PPARGC1B: variants seen among roughly 807,000 people sequenced by gnomAD.
PPARGC1B encodes the protein PPARG coactivator 1 beta, also known as peroxisome proliferator-activated receptor gamma coactivator 1-beta.
PPARGC1B carries 34 observed loss-of-function variants against 101.6 expected under a neutral mutation model. That is an observed-to-expected ratio of 0.33 (90% CI 0.25 to 0.45). The LOEUF (loss-of-function observed/expected upper bound fraction) is 0.45. PPARGC1B is among the 20% of genes least tolerant of loss of function. The pLI is 1.00. For synonymous variants in PPARGC1B, 548 were observed against 539.3 expected (o/e 1.02, Z -0.22); for missense variants, 1,234 against 1,317.6 (o/e 0.94, Z 0.98).
At chr5:149,846,885 G>C (rs1759584271) in intron 11 of PPARGC1B, 1 of 160,982 alleles carries the variant, frequency 6.2e-6, no homozygotes, top group South Asian at 1.7e-4. Flanking sequence ...AAGAGATCGA[G>C]ACCATCGTGG....
intron 2 of PPARGC1B, 32 bp downstream of exon 2, chr5:149,820,638 C>A: frequency 6.3e-7 from 1 of 1,580,262 alleles, no homozygotes; most frequent in East Asian, 2.3e-5. Flanking sequence ...CTCCTCCCAC[C>A]CTGCCAGGCC....
chr5:149,843,990 A>G (rs1212535368), intron 10 of PPARGC1B, among the ~76,000 whole-genome samples: 2 of 152,166 alleles, frequency 1.3e-5, no homozygotes, highest in African/African-American at 4.8e-5. Flanking sequence ...GGCTGCAGAG[A>G]GGAGGAATAA....
intron 1 of PPARGC1B, among the ~76,000 whole-genome samples, chr5:149,749,048 A>G (rs1755192902): frequency 6.6e-6 from 1 of 151,994 alleles, no homozygotes; most frequent in Admixed American, 6.6e-5. Context: ...GATTTGTGTT[A>G]AGGATTGACA....
chr5:149,786,741 A>G (rs1756826119), intron 1 of PPARGC1B, among the ~76,000 whole-genome samples: 1 of 152,242 alleles, frequency 6.6e-6, no homozygotes, highest in Non-Finnish European at 1.5e-5. Flanking sequence ...GACAGACTTC[A>G]GAGGGTTCGA....
rs1435902500 is a variant in PPARGC1B at position 149,848,042 on chromosome 5, G to A, written c.*484G>A. 6.0e-6 allele frequency: 1 copy of A among 166,182 alleles called. No homozygotes were observed. The highest frequency in any genetic ancestry group is 1.3e-5 in the Non-Finnish European group (1 of 75,814). 10.3% of individuals were successfully genotyped at this position (166,182 alleles called of 1,614,324 possible). On this transcript the variant is annotated 3_prime_UTR_variant, in exon 12 of 12. Coordinates refer to ENST00000309241, the MANE Select transcript of PPARGC1B (RefSeq NM_133263.4). ...TTTATGGCTCAGATGTACTGTGCCT[G>A]GGATTATTGTATTGCTTCCTTGATT...
intron 1 of PPARGC1B, chr5:149,771,945 C>A: frequency 8.1e-7 from 1 of 1,234,762 alleles, no homozygotes; most frequent in Non-Finnish European, 1.1e-6. Context: ...GCTTTACATT[C>A]TCATTTTAAT....
chr5:149,768,543 A>C (rs893524241), intron 1 of PPARGC1B, among the ~76,000 whole-genome samples: 1 of 149,436 alleles, frequency 6.7e-6, no homozygotes, highest in African/African-American at 2.5e-5. Context: ...TCTCAGGTTC[A>C]AGCGATTCTG....
intron 1 of PPARGC1B, among the ~76,000 whole-genome samples, chr5:149,759,383 A>C (rs1755641334): frequency 6.6e-6 from 1 of 152,122 alleles, no homozygotes; most frequent in Non-Finnish European, 1.5e-5. Context: ...TACAGGAGGA[A>C]AATAACTGCA....
intron 1 of PPARGC1B, among the ~76,000 whole-genome samples, chr5:149,734,584 T>C (rs1204272084): frequency 6.6e-6 from 1 of 152,178 alleles, no homozygotes; most frequent in Non-Finnish European, 1.5e-5. Flanking sequence ...TTGTAAGCAA[T>C]GCTAAAACGA....
At chr5:149,746,811 G>C (rs180925395) in intron 1 of PPARGC1B, among the ~76,000 whole-genome samples, 1 of 152,154 alleles carries the variant, frequency 6.6e-6, no homozygotes, top group Non-Finnish European at 1.5e-5. Flanking sequence ...ATGGATGTGA[G>C]GTGGTTATCT....
chr5:149,747,645 ACCTGCCCAGCAGCG>A (rs1412882099), intron 1 of PPARGC1B, among the ~76,000 whole-genome samples: 6 of 152,272 alleles, frequency 3.9e-5, no homozygotes, highest in Non-Finnish European at 7.4e-5. Flanking sequence ...GACACCAGGT[ACCTGCCCAGCAGCG>A]CCTGGGGCCT....
chr5:149,734,264 G>A (rs1274814209), intron 1 of PPARGC1B, among the ~76,000 whole-genome samples: 3 of 141,742 alleles, frequency 2.1e-5, no homozygotes, highest in South Asian at 4.5e-4. Flanking sequence ...GGAGGTTGCA[G>A]TGAGCCGAGA....
rs1388845406 is a variant in PPARGC1B at position 149,837,296 on chromosome 5, G to C, written c.2618+223G>C. Among the ~76,000 whole-genome samples, 1 of 152,190 alleles carries C rather than the reference G, an allele frequency of 6.6e-6. No individual in the cohort carries two copies. Among genetic ancestry groups the C allele is most frequent in the Non-Finnish European group, 1.5e-5 (1 of 68,034 alleles). On this transcript the variant is annotated intron_variant, in intron 8 of 11. Coordinates refer to ENST00000309241, the MANE Select transcript of PPARGC1B (RefSeq NM_133263.4). The surrounding 1 kb of genome is among the most constrained non-coding windows in gnomAD (Gnocchi z 4.2). The stretch of plus-strand genomic sequence containing the variant: ...CACAGCCTGGTCTGTGAAATCGAGA[G>C]TGTCCCAAACATCCTGGCCTCCAGA...
chr5:149,806,345 C>T (rs1226682128), intron 1 of PPARGC1B, among the ~76,000 whole-genome samples: 4 of 152,220 alleles, frequency 2.6e-5, no homozygotes, highest in Admixed American at 2.0e-4. Flanking sequence ...TTGAGCATGA[C>T]ATTTCCTTAA....
At chr5:149,771,188 G>T (rs1487871980) in intron 1 of PPARGC1B, among the ~76,000 whole-genome samples, 5 of 152,204 alleles carry the variant, frequency 3.3e-5, no homozygotes, top group African/African-American at 1.2e-4. Flanking sequence ...ATTTCTAAGT[G>T]CCGGCCACCA....
chr5:149,826,644 T>TA, intron 2 of PPARGC1B, 29 bp from the exon 3 acceptor site: 1 of 1,578,288 alleles, frequency 6.3e-7, no homozygotes, highest in Non-Finnish European at 8.7e-7. Context: ...CCATCTGCCT[T>TA]TCTGACCCTC....
At chr5:149,763,392 G>A (rs1404030031) in intron 1 of PPARGC1B, among the ~76,000 whole-genome samples, 1 of 152,160 alleles carries the variant, frequency 6.6e-6, no homozygotes, top group Non-Finnish European at 1.5e-5. Flanking sequence ...GAGTTCAGGG[G>A]CAGGGGGAGG....
chr5:149,837,103 C>T lies in PPARGC1B; in HGVS notation c.2618+30C>T, dbSNP rs45458800. 1,928 of 1,562,308 alleles carry T rather than the reference C, an allele frequency of 1.2e-3. 25 individuals are homozygous for T. In the African/African-American group the frequency reaches 0.023, roughly 19 times the overall value. ...GAACAGGGGGCTGCAGGAGAGGCAGCGGGCAGTGGAGGATCCCAGTTCCCG... is the reference window on the plus strand; with the variant it reads ...GAACAGGGGGCTGCAGGAGAGGCAGTGGGCAGTGGAGGATCCCAGTTCCCG... On this transcript the variant is annotated intron_variant, in intron 8 of 11. Coordinates refer to ENST00000309241, the MANE Select transcript of PPARGC1B (RefSeq NM_133263.4). This position sits in a 1 kb window ranked among gnomAD's most constrained non-coding sequence, Gnocchi z 4.2.
chr5:149,828,300 T>C (rs912030336), intron 3 of PPARGC1B, among the ~76,000 whole-genome samples: 2 of 152,178 alleles, frequency 1.3e-5, no homozygotes, highest in Non-Finnish European at 2.9e-5. Flanking sequence ...GCACCTAGGT[T>C]TGAATCCCAG....
Sources: gnomAD v4.1 joint callset for allele counts (sites outside exome capture counted in the v4.1 genomes callset) on GRCh38, gnomAD v4.1.1 for gene constraint, Gnocchi (gnomAD v3.1) non-coding constraint, MANE v1.5 for transcripts, NCBI Gene and HGNC (gene_info 2026-07-23, HGNC 2026-07-21) for gene names.